The following ZNF428 variants were observed in gnomAD, a reference collection of about 807,000 sequenced individuals.
The protein encoded by ZNF428 is zinc finger protein 428, also known as enzyme-like protein PIT13.
Under a neutral mutation model 15.6 loss-of-function variants are expected in ZNF428, and 5 were observed. The ratio of observed to expected loss-of-function variants is 0.32; its 90% CI spans 0.17 to 0.67. ZNF428 has a LOEUF of 0.67. Ranked by LOEUF, ZNF428 falls within the 30% of genes least tolerant of loss-of-function variation. The probability of loss-of-function intolerance (pLI) is 0.73; values close to 1 mark genes in which losing one functional copy is unlikely to be tolerated. For missense variants in ZNF428, 237 were observed against 256.0 expected, an observed-to-expected ratio of 0.93 and a Z score of 0.51; for synonymous variants, 97 against 102.2, an observed-to-expected ratio of 0.95 and a Z score of 0.31.
In ZNF428 at chr19:43,614,335, G is replaced by A. The variant is rs770821039; in HGVS notation, c.-31C>T. 3.2e-6 allele frequency: 5 copies of A among 1,571,500 alleles called. No individual in the cohort carries two copies. ...GGGGAGGGGACAGGAGACAGGAGCAGAGCAGCAGCTGAGCAGCGTCCCTCC... is the reference window on the plus strand; with the variant it reads ...GGGGAGGGGACAGGAGACAGGAGCAAAGCAGCAGCTGAGCAGCGTCCCTCC... On this transcript the variant is annotated 5_prime_UTR_variant, in exon 2 of 3. Coordinates refer to ENST00000300811, the MANE Select transcript of ZNF428 (RefSeq NM_182498.4).
intron 2 of ZNF428, chr19:43,613,610 C>A (rs1973333780): frequency 6.5e-7 from 1 of 1,549,664 alleles, no homozygotes; most frequent in South Asian, 1.2e-5. Context: ...AGAGAGAGAT[C>A]ACAGACGATC....
Position 43,612,628 on chromosome 19 carries a change from G to C in ZNF428, c.76+1601C>G. On this transcript the variant is annotated intron_variant, in intron 2 of 2. Transcript: ENST00000300811. The surrounding 1 kb of genome is among the most constrained non-coding windows in gnomAD (Gnocchi z 4.2). Reference sequence around the variant, plus strand: ...CCACTTCACAGCAAAAAGGGAGCCGGGGAAAGAGTTACGGCCGGCCTAGAA... The same window carrying C: ...CCACTTCACAGCAAAAAGGGAGCCGCGGAAAGAGTTACGGCCGGCCTAGAA... 1.3e-6 allele frequency: 2 copies of C among 1,551,554 alleles called. No homozygotes were observed. Among genetic ancestry groups the C allele is most frequent in the African/African-American group, 1.4e-5 (1 of 73,144 alleles).
Position 43,607,916 on chromosome 19 carries a change from C to T in ZNF428, c.268G>A (p.Ala90Thr), listed in dbSNP as rs1157910143. 1 of 1,568,556 alleles carries T rather than the reference C, an allele frequency of 6.4e-7. No homozygotes were observed. Among genetic ancestry groups the T allele is most frequent in the Non-Finnish European group, 8.6e-7 (1 of 1,156,818 alleles). ...CGGCCACAGAGCTGGCAAGGCTGGG[C>T]CGGGGGCTGGGCTGCACGGGGGGCC... ...RRAPRAAQPP[A>T]QPCQLCGRSP... is the part of the protein sequence containing the mutation. Residue 90 changes from alanine to threonine, a missense_variant, in exon 3 of 3, where the codon GCC becomes ACC. By Grantham distance (58) the Ala-to-Thr change is moderately conservative. Coordinates refer to ENST00000300811, the MANE Select transcript of ZNF428 (RefSeq NM_182498.4). This position sits in a 1 kb window ranked among gnomAD's most constrained non-coding sequence, Gnocchi z 5.1.
chr19:43,618,106 C>G (rs1278254330), intron 1 of ZNF428, among the ~76,000 whole-genome samples: 6 of 142,178 alleles, frequency 4.2e-5, no homozygotes, highest in Non-Finnish European at 1.5e-5. Flanking sequence ...ACGATCTCGG[C>G]TCACTGCAAG....
At chr19:43,619,263 C>T (rs1380479487) in intron 1 of ZNF428, among the ~76,000 whole-genome samples, 1 of 152,074 alleles carries the variant, frequency 6.6e-6, no homozygotes, top group Non-Finnish European at 1.5e-5. Context: ...CGGTCAGCGG[C>T]AGGTGTGGGA....
At position 43,612,050 on chromosome 19, in the gene ZNF428, T is replaced by C; in HGVS notation, c.76+2179A>G. ...AGTTGGCCTGTGACAGGCAATCAGG[T>C]CATCGTCCACGGCTACCAGGTGTTT... On this transcript the variant is annotated intron_variant, in intron 2 of 2. Coordinates refer to ENST00000300811, the MANE Select transcript of ZNF428 (RefSeq NM_182498.4). The surrounding 1 kb of genome is among the most constrained non-coding windows in gnomAD (Gnocchi z 4.2). The C allele has an allele frequency of 2.5e-6, 3 of 1,184,160 alleles. No individual in the cohort carries two copies. The highest frequency in any genetic ancestry group is 3.6e-6 in the Non-Finnish European group (3 of 825,746). The allele number at this position is 1,184,160 out of a possible 1,614,324, so 73.4% of individuals were successfully genotyped here. A position where few individuals can be genotyped will look rare whatever the true frequency, so the allele number is the denominator to read the frequency against.
chr19:43,607,827 G>C lies in ZNF428; in HGVS notation c.357C>G (p.Ala119=). 1 of 1,563,672 alleles carries C rather than the reference G, an allele frequency of 6.4e-7. No individual in the cohort carries two copies. The highest frequency in any genetic ancestry group is 8.7e-7 in the Non-Finnish European group (1 of 1,153,864). ...CTTCAGGGGCTGGTGCTTCCTGGGG[G>C]GCTGTAGCAGGGCAGCAGAGCCGGC... ...PPCRLCCPAT[A]PQEAPAPEGR... The change falls in exon 3 of 3, where the codon GCC becomes GCG. Residue 119 remains alanine, a synonymous_variant. Transcript: ENST00000300811. This position sits in a 1 kb window ranked among gnomAD's most constrained non-coding sequence, Gnocchi z 5.1.
At position 43,607,755 on chromosome 19, in the gene ZNF428, C is replaced by T; in HGVS notation, c.429G>A (p.Glu143=). The change falls in exon 3 of 3, where the codon GAG becomes GAA. Residue 143 remains glutamate (E), a synonymous_variant. Transcript: ENST00000300811. This position sits in a 1 kb window ranked among gnomAD's most constrained non-coding sequence, Gnocchi z 5.1. The part of the protein sequence containing the change: ...EEEEEPPRAG[E]GRPAGREEEE... ...CCTCCTCCCGCCCAGCTGGTCGGCCCTCCCCAGCCCGAGGTGGTTCCTCCT... is the reference window on the plus strand; with the variant it reads ...CCTCCTCCCGCCCAGCTGGTCGGCCTTCCCCAGCCCGAGGTGGTTCCTCCT... 6.2e-7 allele frequency: 1 copy of T among 1,610,362 alleles called. No individual in the cohort carries two copies. Among genetic ancestry groups the T allele is most frequent in the South Asian group, 1.1e-5 (1 of 90,574 alleles).
chr19:43,613,513 T>C (rs1168981671), intron 2 of ZNF428: 2 of 1,550,630 alleles, frequency 1.3e-6, no homozygotes, highest in African/African-American at 2.8e-5. Context: ...ATAGCCGATC[T>C]AGAAGTCCCA....
chr19:43,612,831 C>G lies in ZNF428; in HGVS notation c.76+1398G>C. On this transcript the variant is annotated intron_variant, in intron 2 of 2. Transcript: ENST00000300811. This position sits in a 1 kb window ranked among gnomAD's most constrained non-coding sequence, Gnocchi z 4.2. ...GAGAAGAGTGACAACCCATCTCCAT[C>G]CTCATCAAGGAAGGTGAAGAGCTAC... 6.4e-7 allele frequency: 1 copy of G among 1,551,672 alleles called. No individual in the cohort carries two copies. Among genetic ancestry groups the G allele is most frequent in the Non-Finnish European group, 8.7e-7 (1 of 1,146,982 alleles).
At position 43,607,758 on chromosome 19, in the gene ZNF428, C is replaced by G. The variant is rs778842753; in HGVS notation, c.426G>C (p.Gly142=). 9.3e-6 allele frequency: 15 copies of G among 1,610,084 alleles called. No individual in the cohort carries two copies. The highest frequency in any genetic ancestry group is 6.7e-5 in the Admixed American group (4 of 59,376). ...CCTCCCGCCCAGCTGGTCGGCCCTC[C>G]CCAGCCCGAGGTGGTTCCTCCTCTT... ...GEEEEEPPRA[G]EGRPAGREEE... Residue 142 remains glycine (G), a synonymous_variant, in exon 3 of 3, where the codon GGG becomes GGC. Coordinates refer to ENST00000300811, the MANE Select transcript of ZNF428 (RefSeq NM_182498.4). The surrounding 1 kb of genome is among the most constrained non-coding windows in gnomAD (Gnocchi z 5.1).
At chr19:43,615,423 G>A (rs1008967609) in intron 1 of ZNF428, among the ~76,000 whole-genome samples, 2 of 152,054 alleles carry the variant, frequency 1.3e-5, no homozygotes, top group Admixed American at 6.5e-5. Context: ...AATAAGGCCG[G>A]GCGCAGTGAC....
chr19:43,608,373 A>T (rs1973262232), intron 2 of ZNF428: 1 of 386,374 alleles, frequency 2.6e-6, no homozygotes. Context: ...TATGCCTGTA[A>T]TCCCAGCACT....
At chr19:43,618,783 G>A (rs767108434) in intron 1 of ZNF428, among the ~76,000 whole-genome samples, 21 of 152,018 alleles carry the variant, frequency 1.4e-4, no homozygotes, top group Non-Finnish European at 2.5e-4. Context: ...TTGTTTATCT[G>A]AAATTCAAAT....
chr19:43,619,123 A>G (rs1334774997), intron 1 of ZNF428, among the ~76,000 whole-genome samples: 1 of 152,212 alleles, frequency 6.6e-6, no homozygotes, highest in Admixed American at 6.5e-5. Context: ...GACCAGGGCA[A>G]AACCTTCCAC....
At chr19:43,613,039 T>G in intron 2 of ZNF428, 1 of 1,551,394 alleles carries the variant, frequency 6.4e-7, no homozygotes, top group Non-Finnish European at 8.7e-7. Flanking sequence ...GAAGTCACAG[T>G]TGGAAGAGAA....
At chr19:43,613,180 C>G in intron 2 of ZNF428, 1 of 1,551,704 alleles carries the variant, frequency 6.4e-7, no homozygotes, top group Non-Finnish European at 8.7e-7. Flanking sequence ...GAAGAAGTCA[C>G]AACTGGTCTA....
chr19:43,612,701 AAG>A lies in ZNF428; in HGVS notation c.76+1526_76+1527del. 1 of 1,551,620 alleles carries A rather than the reference AAG, an allele frequency of 6.4e-7. No individual in the cohort carries two copies. The highest frequency in any genetic ancestry group is 8.7e-7 in the Non-Finnish European group (1 of 1,146,992). ...CAGCCAGCCTAGAAATCTGAGCAAG[AAG>A]AGTTACCGCCCACCAGGAGGCTCAG... is the stretch of plus-strand genomic sequence containing the variant. On this transcript the variant is annotated intron_variant, in intron 2 of 2. Transcript: ENST00000300811. This position sits in a 1 kb window ranked among gnomAD's most constrained non-coding sequence, Gnocchi z 4.2.
At chr19:43,608,160 G>A in intron 2 of ZNF428, 53 bp from the exon 3 acceptor site, 1 of 1,562,218 alleles carries the variant, frequency 6.4e-7, no homozygotes, top group African/African-American at 1.4e-5. Context: ...AGAGGGCTAG[G>A]CCAAGCTGTC....
Sources: gnomAD v4.1 joint callset for allele counts (sites outside exome capture counted in the v4.1 genomes callset) on GRCh38, gnomAD v4.1.1 for gene constraint, Gnocchi (gnomAD v3.1) non-coding constraint, MANE v1.5 for transcripts, NCBI Gene and HGNC (gene_info 2026-07-23, HGNC 2026-07-21) for gene names.